Variants in DRC9 observed in about 807,000 individuals in gnomAD.
DRC9 encodes the protein dynein regulatory complex protein 9.
chr3:197,889,718 G>A, the DRC9 span: 11 of 1,614,110 alleles, frequency 6.8e-6, no homozygotes, highest in South Asian at 1.2e-4. Flanking sequence ...CCTGGAGCTG[G>A]AAGAGAAAAG....
the DRC9 span, chr3:197,894,526 A>C: frequency 6.6e-6 from 1 of 152,210 alleles, no homozygotes; most frequent in African/African-American, 2.4e-5. Context: ...TCAGTAACAT[A>C]TATACCAAAA....
At chr3:197,946,541 A>T in the DRC9 span, among the ~76,000 whole-genome samples, 1 of 152,178 alleles carries the variant, frequency 6.6e-6, no homozygotes, top group Admixed American at 6.5e-5. Context: ...CTTTCTGCTT[A>T]AATGAGCTTT....
chr3:197,894,420 T>C, the DRC9 span: 2 of 152,148 alleles, frequency 1.3e-5, no homozygotes, highest in Admixed American at 1.3e-4. Flanking sequence ...TTTGCCTTAA[T>C]AAAGGCAAAA....
chr3:197,904,849 A>G, the DRC9 span, among the ~76,000 whole-genome samples: 1 of 152,212 alleles, frequency 6.6e-6, no homozygotes, highest in Admixed American at 6.5e-5. Context: ...CTCAAAAAGG[A>G]GTAAATAAAT....
At chr3:197,915,367 G>A in the DRC9 span, among the ~76,000 whole-genome samples, 867 of 152,160 alleles carry the variant, frequency 5.7e-3, 6 homozygotes, top group Non-Finnish European at 9.2e-3. Flanking sequence ...GACAGGATGA[G>A]GTTGGAGGTC....
At chr3:197,918,159 A>G in the DRC9 span, among the ~76,000 whole-genome samples, 1 of 140,836 alleles carries the variant, frequency 7.1e-6, no homozygotes, top group Non-Finnish European at 1.5e-5. Flanking sequence ...CAATGGTGCG[A>G]TCTTGGCTCA....
the DRC9 span, among the ~76,000 whole-genome samples, chr3:197,944,448 A>AT: frequency 4.9e-5 from 7 of 143,254 alleles, no homozygotes; most frequent in African/African-American, 1.9e-4. Flanking sequence ...ATTTTATTTT[A>AT]TTTTATTTTA....
the DRC9 span, among the ~76,000 whole-genome samples, chr3:197,944,503 C>A: frequency 2.6e-5 from 4 of 151,706 alleles, no homozygotes; most frequent in Admixed American, 2.6e-4. Flanking sequence ...GGCTGGAGTG[C>A]AGTAGCGCGA....
chr3:197,941,811 C>G, the DRC9 span, among the ~76,000 whole-genome samples: 2 of 151,904 alleles, frequency 1.3e-5, no homozygotes. Flanking sequence ...TTTCTCCCAC[C>G]TTGGCCTCCC....
the DRC9 span, chr3:197,953,711 G>C: frequency 6.3e-6 from 3 of 475,444 alleles, no homozygotes; most frequent in Admixed American, 6.6e-5. Flanking sequence ...GTCCTTTTTT[G>C]CTATTTTTTC....
chr3:197,934,719 G>A, the DRC9 span, among the ~76,000 whole-genome samples: 1 of 151,642 alleles, frequency 6.6e-6, no homozygotes, highest in African/African-American at 2.4e-5. Context: ...TGTAATCCCA[G>A]CATTTTGAGG....
chr3:197,889,460 A>G, the DRC9 span: 1 of 1,155,080 alleles, frequency 8.7e-7, no homozygotes, highest in Admixed American at 2.1e-5. Flanking sequence ...CTTCCCTGGG[A>G]AAGTCTCAAT....
chr3:197,950,701 C>T, the DRC9 span: 2 of 563,400 alleles, frequency 3.5e-6, no homozygotes, highest in African/African-American at 3.8e-5. Context: ...TTTTGTGACT[C>T]CTGTCCCTTA....
At chr3:197,923,516 G>A in the DRC9 span, among the ~76,000 whole-genome samples, 1 of 152,158 alleles carries the variant, frequency 6.6e-6, no homozygotes, top group Non-Finnish European at 1.5e-5. Flanking sequence ...GATCACTTGA[G>A]CTCAGGAGTT....
the DRC9 span, among the ~76,000 whole-genome samples, chr3:197,911,368 T>C: frequency 0.014 from 2,105 of 152,294 alleles, 18 homozygotes; most frequent in Non-Finnish European, 0.02. Flanking sequence ...ATGACTGAGA[T>C]TGGCTTTTAG....
the DRC9 span, among the ~76,000 whole-genome samples, chr3:197,922,861 T>C: frequency 5.9e-5 from 9 of 151,974 alleles, no homozygotes; most frequent in African/African-American, 1.9e-4. Context: ...TTATGAGAGT[T>C]TTTCAGGGAA....
the DRC9 span, among the ~76,000 whole-genome samples, chr3:197,894,983 A>G: frequency 6.6e-6 from 1 of 152,082 alleles, no homozygotes; most frequent in African/African-American, 2.4e-5. Context: ...ACTTCAGCCC[A>G]GGATTTGAGG....
At chr3:197,949,926 A>G in the DRC9 span, 1 of 409,724 alleles carries the variant, frequency 2.4e-6, no homozygotes, top group South Asian at 1.3e-4. Flanking sequence ...GAAGTAAACT[A>G]AGTTGTTTCT....
the DRC9 span, chr3:197,939,128 T>A: frequency 4.7e-6 from 1 of 214,030 alleles, no homozygotes; most frequent in South Asian, 8.2e-5. Flanking sequence ...GTCTTAGAGA[T>A]CTTGGTTCCA....
Sources: allele counts gnomAD v4.1 joint callset (sites outside exome capture counted in the v4.1 genomes callset), GRCh38; gene constraint gnomAD v4.1.1; transcripts MANE v1.5; gene names NCBI Gene and HGNC (gene_info 2026-07-23, HGNC 2026-07-21).